The following RNGTT variants were observed in gnomAD, a reference collection of about 807,000 sequenced individuals.
The protein encoded by RNGTT is mRNA-capping enzyme.
A neutral mutation model predicts 79.3 loss-of-function variants in RNGTT; 33 were observed. The observed-to-expected ratio is 0.42, with a 90% confidence interval of 0.32 to 0.56. The LOEUF (loss-of-function observed/expected upper bound fraction) is 0.56. Among genes scored for constraint, RNGTT ranks in the 20% least tolerant of loss-of-function variants. The probability of loss-of-function intolerance (pLI) is 0.17; values close to 1 mark genes in which losing one functional copy is unlikely to be tolerated. For synonymous variants in RNGTT, 222 were observed against 235.9 expected (o/e 0.94, Z 0.54); for missense variants, 497 against 739.1 (o/e 0.67, Z 3.80).
At chr6:88,807,752 TTAAGAA>T (rs556404510) in intron 11 of RNGTT, among the ~76,000 whole-genome samples, 12 of 150,700 alleles carry the variant, frequency 8.0e-5, no homozygotes, top group African/African-American at 2.9e-4. Context: ...GAAGAAAGAT[TTAAGAA>T]AAACAAAAAA....
At chr6:88,618,779 T>TAA (rs1425351804) in intron 14 of RNGTT, among the ~76,000 whole-genome samples, 1 of 152,226 alleles carries the variant, frequency 6.6e-6, no homozygotes, top group Non-Finnish European at 1.5e-5. Flanking sequence ...AAAACGGATC[T>TAA]AGTACTTCTC....
At chr6:88,857,781 C>T (rs963086562) in intron 8 of RNGTT, among the ~76,000 whole-genome samples, 3 of 151,976 alleles carry the variant, frequency 2.0e-5, no homozygotes, top group African/African-American at 4.8e-5. Flanking sequence ...AAAGCCTATA[C>T]CAAAATAGTA....
chr6:88,879,024 C>T (rs1408767969), intron 8 of RNGTT, among the ~76,000 whole-genome samples: 2 of 152,146 alleles, frequency 1.3e-5, no homozygotes, highest in Admixed American at 1.3e-4. Context: ...ACATACACTA[C>T]AAACATTATT....
intron 13 of RNGTT, among the ~76,000 whole-genome samples, chr6:88,752,830 A>G (rs1393366830): frequency 6.6e-6 from 1 of 152,146 alleles, no homozygotes; most frequent in Non-Finnish European, 1.5e-5. Context: ...TTCATATTGC[A>G]TGCCTGTATC....
At chr6:88,619,341 T>A (rs1279679904) in intron 14 of RNGTT, among the ~76,000 whole-genome samples, 3 of 151,886 alleles carry the variant, frequency 2.0e-5, no homozygotes, top group Admixed American at 6.6e-5. Context: ...AATATTGCAA[T>A]TTTTTTTGTA....
At chr6:88,772,207 G>C (rs1488995196) in intron 12 of RNGTT, among the ~76,000 whole-genome samples, 2 of 150,902 alleles carry the variant, frequency 1.3e-5, no homozygotes, top group Non-Finnish European at 3.0e-5. Flanking sequence ...ATAGCATCTA[G>C]AGGAACAAAA....
At chr6:88,626,126 A>G (rs1772623579) in intron 14 of RNGTT, among the ~76,000 whole-genome samples, 1 of 152,024 alleles carries the variant, frequency 6.6e-6, no homozygotes, top group Non-Finnish European at 1.5e-5. Context: ...TCAGGGGTTA[A>G]TAGACAGTAA....
intron 14 of RNGTT, among the ~76,000 whole-genome samples, chr6:88,639,377 AT>A (rs773022812): frequency 1.8e-4 from 27 of 152,220 alleles, no homozygotes; most frequent in Non-Finnish European, 3.4e-4. Flanking sequence ...AGTCTGTGAG[AT>A]ATATACTTCC....
At chr6:88,763,515 C>G (rs73496493) in intron 13 of RNGTT, among the ~76,000 whole-genome samples, 1 of 152,154 alleles carries the variant, frequency 6.6e-6, no homozygotes, top group Non-Finnish European at 1.5e-5. Flanking sequence ...TGTAAGGACT[C>G]CAATTTCTGT....
At chr6:88,821,337 G>T (rs779949059) in intron 11 of RNGTT, among the ~76,000 whole-genome samples, 1 of 152,076 alleles carries the variant, frequency 6.6e-6, no homozygotes, top group Non-Finnish European at 1.5e-5. Context: ...AGTCTGCTTA[G>T]AAACACTAAA....
At chr6:88,683,781 A>G (rs1775175627) in intron 13 of RNGTT, among the ~76,000 whole-genome samples, 1 of 152,154 alleles carries the variant, frequency 6.6e-6, no homozygotes, top group African/African-American at 2.4e-5. Flanking sequence ...CTGAGAGGAC[A>G]AGGTTGGAGG....
At chr6:88,923,256 T>C (rs1328850090) in intron 4 of RNGTT, among the ~76,000 whole-genome samples, 3 of 152,238 alleles carry the variant, frequency 2.0e-5, no homozygotes, top group Non-Finnish European at 4.4e-5. Context: ...ATGATTGTTG[T>C]TTCCAGGTTG....
chr6:88,660,187 A>T (rs1428833378), intron 14 of RNGTT, among the ~76,000 whole-genome samples: 5 of 152,210 alleles, frequency 3.3e-5, no homozygotes, highest in Admixed American at 6.5e-5. Flanking sequence ...ACCAAAATAG[A>T]ACCTCCTTAA....
At chr6:88,867,098 T>C (rs1335166094) in intron 8 of RNGTT, among the ~76,000 whole-genome samples, 2 of 152,164 alleles carry the variant, frequency 1.3e-5, no homozygotes, top group Non-Finnish European at 2.9e-5. Context: ...TTTAACAAGA[T>C]TTCCAGGTGA....
At chr6:88,902,368 G>A (rs572322590) in intron 6 of RNGTT, among the ~76,000 whole-genome samples, 17 of 152,268 alleles carry the variant, frequency 1.1e-4, no homozygotes, top group South Asian at 1.0e-3. Context: ...GGGAGGCTAA[G>A]GCAGGAAGAT....
chr6:88,648,612 C>T (rs1324951182), intron 14 of RNGTT, among the ~76,000 whole-genome samples: 2 of 152,156 alleles, frequency 1.3e-5, no homozygotes, highest in Non-Finnish European at 2.9e-5. Context: ...ACTTTGCTTT[C>T]TATTTTCCTA....
chr6:88,690,218 G>A (rs973538250), intron 13 of RNGTT, among the ~76,000 whole-genome samples: 1 of 151,862 alleles, frequency 6.6e-6, no homozygotes, highest in Non-Finnish European at 1.5e-5. Flanking sequence ...ATATTATTGG[G>A]GAAACTGGCA....
chr6:88,955,411 A>G (rs141539956), intron 1 of RNGTT, among the ~76,000 whole-genome samples: 124 of 152,032 alleles, frequency 8.2e-4, no homozygotes, highest in African/African-American at 2.8e-3. Context: ...TTAGCCAGGC[A>G]TGGTGGCGGG....
chr6:88,734,631 G>A (rs957579393), intron 13 of RNGTT, among the ~76,000 whole-genome samples: 45 of 152,090 alleles, frequency 3.0e-4, no homozygotes, highest in Admixed American at 2.8e-3. Flanking sequence ...GGAGAAATAC[G>A]TACCAAGTTA....
Sources: allele counts gnomAD v4.1 joint callset (sites outside exome capture counted in the v4.1 genomes callset), GRCh38; gene constraint gnomAD v4.1.1; transcripts MANE v1.5; gene names NCBI Gene and HGNC (gene_info 2026-07-23, HGNC 2026-07-21).